The following SLC25A53 variants were observed in gnomAD, a reference collection of about 807,000 sequenced individuals.
SLC25A53 encodes the protein mitochondrial carrier triple repeat protein 6.
Under a neutral mutation model 15.0 loss-of-function variants are expected in SLC25A53, and 5 were observed. That is an observed-to-expected ratio of 0.33 (90% confidence interval 0.17 to 0.70). SLC25A53 has a LOEUF of 0.70. SLC25A53 is among the 30% of genes least tolerant of loss of function. SLC25A53 has a pLI of 0.67. For synonymous variants in SLC25A53, 95 were observed against 100.0 expected, an observed-to-expected ratio of 0.95 and a Z score of 0.30; for missense variants, 216 against 241.6, an observed-to-expected ratio of 0.89 and a Z score of 0.70.
At chrX:104,114,165 G>A (rs782741755) in intron 1 of SLC25A53, 127 of 1,208,036 alleles carry the variant, frequency 1.1e-4, no homozygotes, top group Non-Finnish European at 1.3e-4. Flanking sequence ...ATGCACCTTT[G>A]CCGCCTTGGG....
At chrX:104,113,868 A>C in intron 1 of SLC25A53, 1 of 393,449 alleles carries the variant, frequency 2.5e-6, no homozygotes, top group Non-Finnish European at 4.3e-6. Flanking sequence ...CCTGCAGGGT[A>C]TTGTTAAGGC....
At chrX:104,141,683 G>A (rs899180616) in intron 1 of SLC25A53, among the ~76,000 whole-genome samples, 4 of 111,297 alleles carry the variant, frequency 3.6e-5, no homozygotes, top group Non-Finnish European at 5.7e-5. Context: ...CACCGCCTCA[G>A]CTCAAGCGAT....
intron 1 of SLC25A53, among the ~76,000 whole-genome samples, chrX:104,106,462 C>T (rs782759719): frequency 3.6e-5 from 4 of 110,791 alleles, no homozygotes; most frequent in East Asian, 2.9e-4. Flanking sequence ...AGGGGAGAGG[C>T]GGAGGGGCAT....
In SLC25A53 at chrX:104,104,447, G is replaced by A. The variant is rs782753443; in HGVS notation, c.811C>T (p.Arg271Cys). 5.0e-6 allele frequency: 6 copies of A among 1,210,199 alleles called. No homozygotes were observed. Among genetic ancestry groups the A allele is most frequent in the Non-Finnish European group, 6.7e-6 (6 of 895,155 alleles). ...CTTAGGATGACTAGGGAGCCTCCACGGTAGATCAGGAGCAGCTTTCGGCCC... is the reference window on the plus strand; with the variant it reads ...CTTAGGATGACTAGGGAGCCTCCACAGTAGATCAGGAGCAGCTTTCGGCCC... ...TRGRKLLLIY[R>C]GGSLVILRSS... Residue 271 changes from arginine to cysteine, a missense_variant, in exon 2 of 2, where the codon CGT becomes TGT. Physicochemically the swap from Arg to Cys is radical, Grantham distance 180 (BLOSUM62 -3). Transcript: ENST00000594199.
In SLC25A53 at chrX:104,103,322, C is replaced by T. The variant is rs1405761408; in HGVS notation, c.*1012G>A. 1 of 110,953 alleles carries T rather than the reference C, an allele frequency of 9.0e-6. No homozygotes were observed. The highest frequency in any genetic ancestry group is 3.3e-5 in the African/African-American group (1 of 30,461). The allele number at this position is 110,953 out of a possible 1,213,427, so 9.1% of individuals were successfully genotyped here. ...AGAATAGTGTGGGCCAGAGTATGGC[C>T]ATGGGAAAGTTCATGGAATGTCTGG... is the stretch of plus-strand genomic sequence containing the variant. On this transcript the variant is annotated 3_prime_UTR_variant, in exon 2 of 2. Coordinates refer to ENST00000594199, the MANE Select transcript of SLC25A53 (RefSeq NM_001012755.5).
intron 1 of SLC25A53, among the ~76,000 whole-genome samples, chrX:104,153,332 G>C (rs1317203599): frequency 1.8e-5 from 2 of 109,258 alleles, no homozygotes; most frequent in African/African-American, 6.7e-5. Context: ...TACCGCAACT[G>C]ATCTGCAATG....
chrX:104,104,488 T>A lies in SLC25A53; in HGVS notation c.770A>T (p.Asp257Val). 1.7e-6 allele frequency: 2 copies of A among 1,211,845 alleles called. No homozygotes were observed. The highest frequency in any genetic ancestry group is 2.2e-6 in the Non-Finnish European group (2 of 895,548). ...CTTTCGGCCCCGAGTGTTCCATACA[T>A]CCTGGGCAGAGGCCCACAGGCTTGG... ...NMPSLWASAQ[D>V]VWNTRGRKLL... Residue 257 changes from aspartate to valine, a missense_variant, in exon 2 of 2, where the codon GAT (aspartate) becomes GTT (valine). Asp to Val is a radical substitution (Grantham distance 152, BLOSUM62 -3). Transcript: ENST00000594199.
chrX:104,143,254 G>C (rs1556367949), intron 1 of SLC25A53, among the ~76,000 whole-genome samples: 1 of 111,655 alleles, frequency 9.0e-6, no homozygotes, highest in Admixed American at 9.6e-5. Flanking sequence ...GAATGAGTTT[G>C]ACAAACTGAC....
At chrX:104,125,546 G>C (rs1309496020) in intron 1 of SLC25A53, among the ~76,000 whole-genome samples, 1 of 111,896 alleles carries the variant, frequency 8.9e-6, no homozygotes, top group African/African-American at 3.3e-5. Context: ...TGCTTTACTT[G>C]AATTCTCATA....
At chrX:104,149,512 C>A (rs2075478879) in intron 1 of SLC25A53, among the ~76,000 whole-genome samples, 1 of 112,320 alleles carries the variant, frequency 8.9e-6, no homozygotes, top group South Asian at 3.7e-4. Context: ...CTATAGGTGG[C>A]CTTACCATAG....
At chrX:104,134,254 G>C (rs2075431747) in intron 1 of SLC25A53, among the ~76,000 whole-genome samples, 1 of 112,248 alleles carries the variant, frequency 8.9e-6, no homozygotes, top group Non-Finnish European at 1.9e-5. Flanking sequence ...TCTTACAGCA[G>C]AGACTTCTGT....
chrX:104,127,437 T>C lies in SLC25A53; in HGVS notation c.-31-22149A>G, dbSNP rs782019460. 4.5e-5 allele frequency among the ~76,000 whole-genome samples: 5 copies of C among 111,595 alleles called. No individual in the cohort carries two copies. The Admixed American group carries it at 4.8e-4, about 11-fold the overall frequency. On this transcript the variant is annotated intron_variant, in intron 1 of 1. Transcript: ENST00000594199. ...CTGTGGTGGTTGTTAAACAAATCTATACATGGGATAAGACCACACAGAAAA... is the reference window on the plus strand; with the variant it reads ...CTGTGGTGGTTGTTAAACAAATCTACACATGGGATAAGACCACACAGAAAA...
chrX:104,124,317 T>C (rs1266176947), intron 1 of SLC25A53, among the ~76,000 whole-genome samples: 1 of 112,460 alleles, frequency 8.9e-6, no homozygotes, highest in Non-Finnish European at 1.9e-5. Flanking sequence ...TGACCAGTGA[T>C]GATGAGATTT....
At chrX:104,135,212 C>T (rs1556366249) in intron 1 of SLC25A53, among the ~76,000 whole-genome samples, 1 of 110,951 alleles carries the variant, frequency 9.0e-6, no homozygotes, top group Admixed American at 9.6e-5. Context: ...CAGGTTCCAT[C>T]CTTAGCCCAC....
At chrX:104,129,272 C>G (rs1458881668) in intron 1 of SLC25A53, among the ~76,000 whole-genome samples, 1 of 111,655 alleles carries the variant, frequency 9.0e-6, no homozygotes, top group Non-Finnish European at 1.9e-5. Flanking sequence ...GACTGGCAAG[C>G]CTTTCCTATT....
rs2147863696 is a variant in SLC25A53 at position 104,108,794 on chromosome X, TCA to T, written c.-31-3508_-31-3507del. 3.6e-5 allele frequency among the ~76,000 whole-genome samples: 4 copies of T among 111,861 alleles called. No individual in the cohort carries two copies. The East Asian group carries it at 8.4e-4, about 24-fold the overall frequency. On this transcript the variant is annotated intron_variant, in intron 1 of 1. Transcript: ENST00000594199. Reference sequence around the variant, plus strand: ...CAAATGAATGCATTTGTCTGTTCATTCAGGGCATCTCTCAGCCAGTCCTTTGG... The same window carrying T: ...CAAATGAATGCATTTGTCTGTTCATTGGGCATCTCTCAGCCAGTCCTTTGG...
chrX:104,105,318 C>G (rs188194796), intron 1 of SLC25A53, 30 bp from the exon 2 acceptor site: 49,241 of 982,882 alleles, frequency 0.05, 1,005 homozygotes, highest in Middle Eastern at 0.12. Context: ...AGAGATTAGA[C>G]TGACCAATTA....
intron 1 of SLC25A53, among the ~76,000 whole-genome samples, chrX:104,146,190 G>GA (rs1191207877): frequency 1.1e-4 from 12 of 111,880 alleles, no homozygotes; most frequent in Non-Finnish European, 1.9e-4. Flanking sequence ...CACATGAACA[G>GA]AAAAAACGAC....
At chrX:104,148,842 G>GA (rs1206130780) in intron 1 of SLC25A53, among the ~76,000 whole-genome samples, 1 of 110,250 alleles carries the variant, frequency 9.1e-6, no homozygotes, top group Non-Finnish European at 1.9e-5. Flanking sequence ...TAACAAAAAA[G>GA]AAAAAAAAAT....
Sources: allele counts gnomAD v4.1 joint callset (sites outside exome capture counted in the v4.1 genomes callset), GRCh38; gene constraint gnomAD v4.1.1; transcripts MANE v1.5; gene names NCBI Gene and HGNC (gene_info 2026-07-23, HGNC 2026-07-21).